Variants in TRPS1 observed in about 807,000 individuals in gnomAD.
TRPS1 encodes transcriptional repressor GATA binding 1.
Under a neutral mutation model 101.2 loss-of-function variants are expected in TRPS1, and 6 were observed. The observed-to-expected ratio is 0.06, with a 90% CI of 0.03 to 0.12. TRPS1 has a LOEUF of 0.12. Ranked by LOEUF, TRPS1 falls within the 10% of genes least tolerant of loss-of-function variation. The pLI, the probability that TRPS1 is intolerant of heterozygous loss-of-function variation, is 1.00. For missense variants in TRPS1, 1,363 were observed against 1,567.0 expected, an observed-to-expected ratio of 0.87 and a Z score of 2.20; for synonymous variants, 578 against 589.8, an observed-to-expected ratio of 0.98 and a Z score of 0.29.
intron 5 of TRPS1, among the ~76,000 whole-genome samples, chr8:115,462,091 C>T (rs923472655): frequency 9.2e-5 from 14 of 152,016 alleles, no homozygotes; most frequent in African/African-American, 3.4e-4. Context: ...AGGCTTATGG[C>T]CAGAAATGAA....
chr8:115,492,120 A>G (rs1320385104), intron 5 of TRPS1: 2 of 449,154 alleles, frequency 4.5e-6, no homozygotes, highest in East Asian at 1.4e-4. Flanking sequence ...GAAACAAAAA[A>G]TCCAGAGGGG....
intron 5 of TRPS1, among the ~76,000 whole-genome samples, chr8:115,544,612 A>G (rs1031349395): frequency 3.3e-5 from 5 of 152,194 alleles, no homozygotes; most frequent in Admixed American, 1.3e-4. Flanking sequence ...TTTCATGTAC[A>G]ATATTTATAA....
Position 115,409,642 on chromosome 8 carries a change from A to C in TRPS1, c.*4381T>G, listed in dbSNP as rs558241887. The C allele has an allele frequency of 4.6e-5, 7 of 152,190 alleles. No individual in the cohort carries two copies. The highest frequency in any genetic ancestry group is 1.4e-4 in the African/African-American group (6 of 41,564). The allele number at this position is 152,190 out of a possible 1,614,324, so 9.4% of individuals were successfully genotyped here. ...GTCTATGAAACAGTACTGAAAAACC[A>C]AAAGGAAGTGCTCTGCAAAGAATCC... On this transcript the variant is annotated 3_prime_UTR_variant, in exon 7 of 7. Transcript: ENST00000395715.
chr8:115,565,915 A>C (rs1817057188), intron 5 of TRPS1, among the ~76,000 whole-genome samples: 1 of 152,094 alleles, frequency 6.6e-6, no homozygotes, highest in Admixed American at 6.6e-5. Flanking sequence ...TAAAAGGACG[A>C]AAGACATTTA....
chr8:115,504,228 T>C (rs1444655619), intron 5 of TRPS1, among the ~76,000 whole-genome samples: 1 of 152,204 alleles, frequency 6.6e-6, no homozygotes, highest in African/African-American at 2.4e-5. Context: ...TTTTAGCCTG[T>C]CTTGTAGATG....
At chr8:115,648,052 C>G (rs1272687430) in intron 1 of TRPS1, among the ~76,000 whole-genome samples, 1 of 152,014 alleles carries the variant, frequency 6.6e-6, no homozygotes, top group Non-Finnish European at 1.5e-5. Context: ...GCTGATGAAC[C>G]CAATTTGGGA....
intron 5 of TRPS1, among the ~76,000 whole-genome samples, chr8:115,566,081 T>C (rs1215370876): frequency 6.6e-6 from 1 of 152,184 alleles, no homozygotes; most frequent in Non-Finnish European, 1.5e-5. Flanking sequence ...ACTGTACATA[T>C]TGAATTACCA....
intron 5 of TRPS1, among the ~76,000 whole-genome samples, chr8:115,584,773 G>C (rs936390744): frequency 1.9e-4 from 29 of 151,740 alleles, no homozygotes; most frequent in African/African-American, 6.8e-4. Flanking sequence ...ATTCTGTTAG[G>C]TGTCTTAAAA....
At chr8:115,643,961 G>A (rs569258546) in intron 1 of TRPS1, among the ~76,000 whole-genome samples, 3 of 152,296 alleles carry the variant, frequency 2.0e-5, no homozygotes, top group Admixed American at 2.0e-4. Context: ...GGGTGACTGC[G>A]TGCATTGTCA....
At chr8:115,620,180 AG>A (rs947553090) in intron 2 of TRPS1, 120 bp from the exon 3 acceptor site, 18 of 881,870 alleles carry the variant, frequency 2.0e-5, no homozygotes, top group Non-Finnish European at 2.7e-5. Flanking sequence ...TGCTTCCTCT[AG>A]GAAAAAAAAA....
intron 5 of TRPS1, among the ~76,000 whole-genome samples, chr8:115,483,105 C>T (rs1336039352): frequency 3.3e-5 from 5 of 152,122 alleles, no homozygotes; most frequent in Non-Finnish European, 7.4e-5. Context: ...CCTAACTGAA[C>T]AGATACTAGC....
intron 4 of TRPS1, among the ~76,000 whole-genome samples, chr8:115,600,121 C>T (rs892681369): frequency 1.3e-5 from 2 of 151,996 alleles, no homozygotes; most frequent in Non-Finnish European, 2.9e-5. Context: ...GTTTATTGGC[C>T]GCATAAATAT....
At chr8:115,519,560 T>G (rs1390452289) in intron 5 of TRPS1, among the ~76,000 whole-genome samples, 5 of 151,436 alleles carry the variant, frequency 3.3e-5, no homozygotes, top group African/African-American at 1.2e-4. Flanking sequence ...ATATATTTTG[T>G]TTTTTTCCAG....
chr8:115,587,083 C>T lies in TRPS1; in HGVS notation c.2618G>A (p.Gly873Glu), dbSNP rs760648249. Residue 873 changes from glycine to glutamate, a missense_variant, in exon 5 of 7, where the codon GGA (glycine) becomes GAA (glutamate). This residue lies in a region of TRPS1 where 1,020 missense variants were observed against 1,073.0 expected (regional missense o/e 0.95). Coordinates refer to ENST00000395715, the MANE Select transcript of TRPS1 (RefSeq NM_014112.5). ...CTGGGGGAGGGCCCCAGACTTCTCT[C>T]CGCCAGCTGGCGCCCCCTGCAGGAA... ...KGFLQGAPAG[G>E]EKSGALPQQY... is the part of the protein sequence containing the mutation. 1 of 1,614,162 alleles carries T rather than the reference C, an allele frequency of 6.2e-7. No individual in the cohort carries two copies. The highest frequency in any genetic ancestry group is 8.5e-7 in the Non-Finnish European group (1 of 1,180,012).
chr8:115,513,011 A>G (rs1348450540), intron 5 of TRPS1, among the ~76,000 whole-genome samples: 1 of 151,720 alleles, frequency 6.6e-6, no homozygotes, highest in Non-Finnish European at 1.5e-5. Context: ...ACAAAATGTA[A>G]ACACTTGTAC....
chr8:115,589,316 G>C (rs1298372046), intron 4 of TRPS1, among the ~76,000 whole-genome samples: 1 of 152,118 alleles, frequency 6.6e-6, no homozygotes, highest in Non-Finnish European at 1.5e-5. Flanking sequence ...ATTACTCTGG[G>C]GCTGTAATGT....
intron 3 of TRPS1, among the ~76,000 whole-genome samples, chr8:115,618,277 C>T (rs1818314467): frequency 6.6e-6 from 1 of 152,150 alleles, no homozygotes; most frequent in African/African-American, 2.4e-5. Context: ...CTTTCTCAAG[C>T]TGACCATGAA....
chr8:115,614,742 G>A (rs1818240963), intron 3 of TRPS1, among the ~76,000 whole-genome samples: 1 of 152,012 alleles, frequency 6.6e-6, no homozygotes. Flanking sequence ...AACAGAACCT[G>A]CTAAGATCTA....
At chr8:115,610,195 G>A (rs1818131040) in intron 3 of TRPS1, among the ~76,000 whole-genome samples, 1 of 152,048 alleles carries the variant, frequency 6.6e-6, no homozygotes, top group Non-Finnish European at 1.5e-5. Context: ...GAGAACTTGA[G>A]GTTATGGGCT....
Sources: allele counts gnomAD v4.1 joint callset (sites outside exome capture counted in the v4.1 genomes callset), GRCh38; gene constraint gnomAD v4.1.1; regional missense constraint gnomAD v4.1.1; transcripts MANE v1.5; gene names NCBI Gene and HGNC (gene_info 2026-07-23, HGNC 2026-07-21).